LHFPL2: variants seen among roughly 807,000 people sequenced by gnomAD.
LHFPL2 encodes the protein LHFPL tetraspan subfamily member 2.
LHFPL2 carries 7 observed loss-of-function variants against 17.5 expected under a neutral mutation model. That is an observed-to-expected ratio of 0.40 (90% CI 0.23 to 0.75). The LOEUF is 0.75. Ranked by LOEUF, LHFPL2 falls within the 30% of genes least tolerant of loss-of-function variation. The pLI, the probability that LHFPL2 is intolerant of heterozygous loss-of-function variation, is 0.37. For missense variants in LHFPL2, 241 were observed against 294.8 expected (o/e 0.82, Z 1.34); for synonymous variants, 134 against 116.2 (o/e 1.15, Z -0.99).
chr5:78,499,508 C>T (rs552978427), intron 4 of LHFPL2, among the ~76,000 whole-genome samples: 1 of 152,318 alleles, frequency 6.6e-6, no homozygotes, highest in Admixed American at 6.5e-5. Flanking sequence ...CTCCAGAGTC[C>T]ACTTCCTGAG....
chr5:78,528,265 G>C (rs574791564), intron 3 of LHFPL2, among the ~76,000 whole-genome samples: 2 of 152,306 alleles, frequency 1.3e-5, no homozygotes, highest in African/African-American at 4.8e-5. Context: ...CCACAAACCA[G>C]TACCGGTCTG....
At chr5:78,588,383 G>C (rs749631216) in intron 2 of LHFPL2, among the ~76,000 whole-genome samples, 18 of 152,126 alleles carry the variant, frequency 1.2e-4, no homozygotes, top group Non-Finnish European at 2.4e-4. Context: ...AAAAATTTCT[G>C]AACTCTTCTA....
chr5:78,633,287 G>A (rs534642011), intron 1 of LHFPL2, among the ~76,000 whole-genome samples: 5 of 152,334 alleles, frequency 3.3e-5, no homozygotes, highest in African/African-American at 1.2e-4. Context: ...TGCTTCTGAA[G>A]CCCAGGTTCC....
At chr5:78,490,060 C>A (rs1433584234) in intron 4 of LHFPL2, among the ~76,000 whole-genome samples, 1 of 152,228 alleles carries the variant, frequency 6.6e-6, no homozygotes, top group Non-Finnish European at 1.5e-5. Context: ...TACACATTTA[C>A]AAACAAATTG....
At chr5:78,518,817 G>C (rs1205422209) in intron 3 of LHFPL2, among the ~76,000 whole-genome samples, 1 of 152,186 alleles carries the variant, frequency 6.6e-6, no homozygotes, top group African/African-American at 2.4e-5. Context: ...TCCTCTTTCT[G>C]GGAAGAGGGA....
chr5:78,530,366 T>C (rs1265302002), intron 3 of LHFPL2, among the ~76,000 whole-genome samples: 1 of 152,236 alleles, frequency 6.6e-6, no homozygotes, highest in Admixed American at 6.5e-5. Flanking sequence ...TCTCTAATAC[T>C]TCTTGTAGAA....
chr5:78,523,900 A>C (rs1191775345), intron 3 of LHFPL2, among the ~76,000 whole-genome samples: 1 of 152,206 alleles, frequency 6.6e-6, no homozygotes, highest in Non-Finnish European at 1.5e-5. Flanking sequence ...ATAAGGAAGA[A>C]TGTGAACAAT....
intron 4 of LHFPL2, among the ~76,000 whole-genome samples, chr5:78,504,334 C>G (rs1389557679): frequency 6.6e-6 from 1 of 152,144 alleles, no homozygotes; most frequent in Non-Finnish European, 1.5e-5. Context: ...GAGAAAAATT[C>G]TGAGGCAGGG....
rs190866865 is a variant in LHFPL2, at chr5:78,606,093, C to T, written c.-245+26171G>A. ...TCAACTGATACTCACCAAGTGCCCA[C>T]TCTGCCTTAGGCAACGTGCTCCTGG... is the stretch of plus-strand genomic sequence containing the variant. On this transcript the variant is annotated intron_variant, in intron 2 of 4. Coordinates refer to ENST00000380345, the MANE Select transcript of LHFPL2 (RefSeq NM_005779.3). Among the ~76,000 whole-genome samples the T allele has an allele frequency of 2.5e-3, 380 of 152,374 alleles. 2 individuals are homozygous for T. The highest frequency in any genetic ancestry group is 8.9e-3 in the African/African-American group (369 of 41,586).
intron 2 of LHFPL2, among the ~76,000 whole-genome samples, chr5:78,593,075 T>C (rs1375665319): frequency 1.3e-5 from 2 of 152,168 alleles, no homozygotes; most frequent in African/African-American, 4.8e-5. Context: ...AACTCGCGCA[T>C]AATCTCTGTC....
chr5:78,603,741 T>A (rs946222046), intron 2 of LHFPL2, among the ~76,000 whole-genome samples: 3 of 152,146 alleles, frequency 2.0e-5, no homozygotes, highest in South Asian at 4.2e-4. Context: ...GTTAAAAAAA[T>A]TTTTAAAAAA....
intron 3 of LHFPL2, among the ~76,000 whole-genome samples, chr5:78,553,554 T>A (rs1460302712): frequency 6.6e-6 from 1 of 152,196 alleles, no homozygotes; most frequent in Non-Finnish European, 1.5e-5. Flanking sequence ...ATGACAAGAA[T>A]GGAAGAGCTG....
At chr5:78,642,851 G>C (rs1745725550) in intron 1 of LHFPL2, among the ~76,000 whole-genome samples, 1 of 152,042 alleles carries the variant, frequency 6.6e-6, no homozygotes, top group Non-Finnish European at 1.5e-5. Flanking sequence ...CAGTCAAAGT[G>C]CACTCCCTCT....
chr5:78,520,284 A>G (rs1755412831), intron 3 of LHFPL2, among the ~76,000 whole-genome samples: 3 of 152,260 alleles, frequency 2.0e-5, no homozygotes, highest in African/African-American at 7.2e-5. Context: ...AGGGAAAAAG[A>G]CCCACTAGGC....
At chr5:78,602,585 G>T (rs1744057227) in intron 2 of LHFPL2, among the ~76,000 whole-genome samples, 1 of 152,134 alleles carries the variant, frequency 6.6e-6, no homozygotes, top group African/African-American at 2.4e-5. Context: ...TGACTCACAG[G>T]GACCCTTCAC....
At chr5:78,525,520 T>A (rs1039108896) in intron 3 of LHFPL2, among the ~76,000 whole-genome samples, 6 of 152,300 alleles carry the variant, frequency 3.9e-5, no homozygotes, top group Middle Eastern at 3.4e-3. Context: ...ACAGCTCACA[T>A]CTAAGCAGTC....
chr5:78,565,193 A>G (rs1174502659), intron 2 of LHFPL2, among the ~76,000 whole-genome samples: 2 of 152,196 alleles, frequency 1.3e-5, no homozygotes, highest in Non-Finnish European at 2.9e-5. Flanking sequence ...GTCCGGGAGG[A>G]CACTTTATGA....
At chr5:78,560,633 C>A (rs1160972009) in intron 3 of LHFPL2, among the ~76,000 whole-genome samples, 1 of 152,138 alleles carries the variant, frequency 6.6e-6, no homozygotes, top group Non-Finnish European at 1.5e-5. Context: ...GCAGTGGAGG[C>A]CAAAGGACTG....
chr5:78,637,794 G>A (rs1264105226), intron 1 of LHFPL2, among the ~76,000 whole-genome samples: 1 of 152,214 alleles, frequency 6.6e-6, no homozygotes, highest in East Asian at 1.9e-4. Context: ...ACCCAGCCCT[G>A]CTGTATCAGA....
Sources: gnomAD v4.1 joint callset for allele counts (sites outside exome capture counted in the v4.1 genomes callset) on GRCh38, gnomAD v4.1.1 for gene constraint, MANE v1.5 for transcripts, NCBI Gene and HGNC (gene_info 2026-07-23, HGNC 2026-07-21) for gene names.